TIAM1: variants seen among roughly 807,000 people sequenced by gnomAD.
TIAM1 encodes TIAM Rac1 associated GEF 1.
TIAM1 carries 65 observed loss-of-function variants against 163.5 expected under a neutral mutation model. That is an observed-to-expected ratio of 0.40 (90% confidence interval 0.33 to 0.49). The LOEUF (loss-of-function observed/expected upper bound fraction) is 0.49, where lower values mean the gene tolerates loss of function less well. Among genes scored for constraint, TIAM1 ranks in the 20% least tolerant of loss-of-function variants. The pLI, the probability that TIAM1 is intolerant of heterozygous loss-of-function variation, is 0.77. For missense variants in TIAM1, 1,789 were observed against 2,044.7 expected (o/e 0.87, Z 2.41); for synonymous variants, 833 against 810.1 (o/e 1.03, Z -0.48).
rs746793312 is a variant in TIAM1, at chr21:31,542,344, G to A, written c.-422+16583C>T. ...GGGGAGGCTGAGGCAGGAGAATGGC[G>A]TGAACCCAGGAGGAGGAGCTTACAG... On this transcript the variant is annotated intron_variant, in intron 1 of 28. Transcript: ENST00000286827. 4.0e-5 allele frequency among the ~76,000 whole-genome samples: 6 copies of A among 151,850 alleles called. No individual in the cohort carries two copies. In the East Asian group the frequency reaches 1.2e-3, roughly 30 times the overall value.
At chr21:31,297,987 T>G (rs1016500886) in intron 2 of TIAM1, among the ~76,000 whole-genome samples, 1 of 152,198 alleles carries the variant, frequency 6.6e-6, no homozygotes, top group Admixed American at 6.5e-5. Context: ...ATTTGCAGGG[T>G]GCTTCATAAT....
chr21:31,557,326 G>A (rs2048914574), intron 1 of TIAM1, among the ~76,000 whole-genome samples: 1 of 152,102 alleles, frequency 6.6e-6, no homozygotes, highest in African/African-American at 2.4e-5. Flanking sequence ...AAGCGACAAG[G>A]GGCCATCCTC....
chr21:31,152,914 C>T lies in TIAM1; in HGVS notation c.3240+152G>A, dbSNP rs1023029814. On this transcript the variant is annotated intron_variant, in intron 18 of 27. Transcript: ENST00000541036. ...GGGGCAGTTTTTTACTCTTCATGAG[C>T]ACACCAAAGCTTAGCAGGCAATAAT... The T allele has an allele frequency of 4.8e-6, 6 of 1,263,028 alleles. No individual in the cohort carries two copies. The East Asian group carries it at 1.4e-4, about 30-fold the overall frequency. The allele number at this position is 1,263,028 out of a possible 1,614,324, so 78.2% of individuals were successfully genotyped here. A position where few individuals can be genotyped will look rare whatever the true frequency, so the allele number is the denominator to read the frequency against.
At chr21:31,366,702 C>A (rs12482222) in intron 2 of TIAM1, among the ~76,000 whole-genome samples, 4,708 of 152,256 alleles carry the variant, frequency 0.031, 112 homozygotes, top group African/African-American at 0.072. Context: ...CTGCAACCTC[C>A]ACATCCCAGG....
intron 10 of TIAM1, among the ~76,000 whole-genome samples, chr21:31,210,594 G>GAAAGAAAGAGAGAA (rs745349921): frequency 9.5e-5 from 9 of 94,648 alleles, no homozygotes; most frequent in African/African-American, 5.6e-4. Flanking sequence ...AAGAAAGAAA[G>GAAAGAAAGAGAGAA]AGAGAAAGAA....
intron 2 of TIAM1, among the ~76,000 whole-genome samples, chr21:31,358,257 G>A (rs2076348019): frequency 6.6e-6 from 1 of 152,132 alleles, no homozygotes; most frequent in African/African-American, 2.4e-5. Context: ...AGAGCTTCCA[G>A]CCAGGTTGTT....
chr21:31,556,200 G>A (rs1267509148), intron 1 of TIAM1, among the ~76,000 whole-genome samples: 1 of 152,162 alleles, frequency 6.6e-6, no homozygotes, highest in Non-Finnish European at 1.5e-5. Context: ...CAAGAAGGAT[G>A]AGAATCATTT....
intron 1 of TIAM1, among the ~76,000 whole-genome samples, chr21:31,530,369 G>A (rs2147514955): frequency 6.6e-6 from 1 of 152,116 alleles, no homozygotes; most frequent in Non-Finnish European, 1.5e-5. Context: ...CCTGAACACT[G>A]TCCAGAGGCC....
intron 7 of TIAM1, 105 bp downstream of exon 7, chr21:31,225,621 G>C (rs548178431): frequency 1.1e-6 from 1 of 877,374 alleles, no homozygotes; most frequent in African/African-American, 1.7e-5. Context: ...GGCTGTCGAG[G>C]AGATATCCGA....
At chr21:31,407,061 C>G (rs1215067742) in intron 2 of TIAM1, among the ~76,000 whole-genome samples, 2 of 152,184 alleles carry the variant, frequency 1.3e-5, no homozygotes, top group Non-Finnish European at 2.9e-5. Flanking sequence ...AGTGACAGCT[C>G]TCACTAGGAG....
At chr21:31,292,311 A>C (rs183957556) in intron 2 of TIAM1, among the ~76,000 whole-genome samples, 1 of 150,772 alleles carries the variant, frequency 6.6e-6, no homozygotes, top group Admixed American at 6.6e-5. Flanking sequence ...TATCTTCTAC[A>C]TCTTGTCTCT....
At chr21:31,278,755 T>C (rs1045604408) in intron 2 of TIAM1, among the ~76,000 whole-genome samples, 1 of 152,196 alleles carries the variant, frequency 6.6e-6, no homozygotes, top group African/African-American at 2.4e-5. Context: ...TACCCCATTA[T>C]TACCCCACAA....
At chr21:31,369,098 A>C (rs747154305) in intron 2 of TIAM1, among the ~76,000 whole-genome samples, 13 of 151,882 alleles carry the variant, frequency 8.6e-5, no homozygotes, top group South Asian at 2.1e-4. Context: ...TGGTGGCGGG[A>C]GCCTGTAGTC....
At chr21:31,528,929 CT>C (rs1174827518) in intron 1 of TIAM1, among the ~76,000 whole-genome samples, 257 of 136,492 alleles carry the variant, frequency 1.9e-3, no homozygotes, top group Non-Finnish European at 2.1e-3. Flanking sequence ...TCTTTTTATT[CT>C]TTTTTTTTTT....
At chr21:31,391,502 A>T (rs1037112455) in intron 2 of TIAM1, among the ~76,000 whole-genome samples, 1 of 151,972 alleles carries the variant, frequency 6.6e-6, no homozygotes, top group African/African-American at 2.4e-5. Flanking sequence ...GCAGGCGCCT[A>T]TAATCCCAGC....
Position 31,251,980 on chromosome 21 carries a change from C to T in TIAM1, c.1173G>A (p.Leu391=). 2 of 1,613,968 alleles carry T rather than the reference C, an allele frequency of 1.2e-6. No homozygotes were observed. The highest frequency in any genetic ancestry group is 2.2e-5 in the South Asian group (2 of 91,080). The part of the protein sequence containing the change: ...QGVYENFRRE[L]EMSTTNSESL... ...TCTCGCTGTTGGTGGTGCTCATCTC[C>T]AGCTCCCGCCGGAAGTTCTCGTACA... Residue 391 remains leucine (L), a synonymous_variant, in exon 5 of 28, where the codon CTG becomes CTA. Transcript: ENST00000541036.
intron 11 of TIAM1, among the ~76,000 whole-genome samples, chr21:31,207,177 A>G (rs1027678887): frequency 5.3e-5 from 8 of 152,354 alleles, no homozygotes; most frequent in African/African-American, 1.9e-4. Context: ...AATATATCCA[A>G]AACCTACAGG....
chr21:31,127,388 A>G (rs922118394), intron 25 of TIAM1, among the ~76,000 whole-genome samples: 1 of 152,040 alleles, frequency 6.6e-6, no homozygotes. Context: ...TAGATGGTCT[A>G]AAAGGTCAAT....
chr21:31,551,316 G>A (rs145054691), intron 1 of TIAM1, among the ~76,000 whole-genome samples: 5,205 of 152,030 alleles, frequency 0.034, 292 homozygotes, highest in African/African-American at 0.12. Context: ...GTTGAGACAG[G>A]AGAACTGCTT....
Sources: gnomAD v4.1 joint callset for allele counts (sites outside exome capture counted in the v4.1 genomes callset) on GRCh38, gnomAD v4.1.1 for gene constraint, MANE v1.5 for transcripts, NCBI Gene and HGNC (gene_info 2026-07-23, HGNC 2026-07-21) for gene names.